ARPP21: variants seen among roughly 807,000 people sequenced by gnomAD.
ARPP21 encodes the protein cAMP-regulated phosphoprotein 21.
ARPP21 carries 69 observed loss-of-function variants against 113.2 expected under a neutral mutation model. The ratio of observed to expected loss-of-function variants is 0.61; its 90% CI spans 0.50 to 0.74. The LOEUF is 0.74. Among genes scored for constraint, ARPP21 ranks in the 30% least tolerant of loss-of-function variants. The probability of loss-of-function intolerance (pLI) is 0.00; values close to 1 mark genes in which losing one functional copy is unlikely to be tolerated. For synonymous variants in ARPP21, 368 were observed against 375.5 expected (o/e 0.98, Z 0.23); for missense variants, 1,070 against 1,037.4 (o/e 1.03, Z -0.43).
At chr3:35,781,301 G>A (rs554298565) in intron 19 of ARPP21, among the ~76,000 whole-genome samples, 25 of 152,278 alleles carry the variant, frequency 1.6e-4, no homozygotes, top group African/African-American at 4.3e-4. Context: ...AAAAGTTAAC[G>A]AGTGAATGAT....
intron 19 of ARPP21, among the ~76,000 whole-genome samples, chr3:35,757,601 A>G (rs2151214368): frequency 6.6e-6 from 1 of 152,194 alleles, no homozygotes; most frequent in East Asian, 1.9e-4. Flanking sequence ...TATGTTTGTT[A>G]TGTTTTCTTT....
chr3:35,714,435 CT>C (rs2092018387), intron 11 of ARPP21, among the ~76,000 whole-genome samples: 1 of 152,102 alleles, frequency 6.6e-6, no homozygotes, highest in South Asian at 2.1e-4. Context: ...ATTATTACTT[CT>C]TTAGTTTTAT....
intron 19 of ARPP21, among the ~76,000 whole-genome samples, chr3:35,785,891 C>T (rs1055989202): frequency 7.2e-5 from 11 of 152,048 alleles, no homozygotes; most frequent in Non-Finnish European, 1.2e-4. Context: ...TGCAGGTCAT[C>T]CTGTACCAAG....
intron 1 of ARPP21, among the ~76,000 whole-genome samples, chr3:35,644,308 T>A (rs1447008834): frequency 6.6e-6 from 1 of 151,902 alleles, no homozygotes; most frequent in Non-Finnish European, 1.5e-5. Flanking sequence ...CTTGGATTAA[T>A]TTTGGCCCTA....
chr3:35,665,602 A>T (rs2074154730), intron 1 of ARPP21, among the ~76,000 whole-genome samples: 1 of 152,230 alleles, frequency 6.6e-6, no homozygotes, highest in Non-Finnish European at 1.5e-5. Flanking sequence ...GTAAGAGGTT[A>T]TATCAAACAT....
chr3:35,746,626 T>G (rs763851963), intron 19 of ARPP21, among the ~76,000 whole-genome samples: 2 of 152,216 alleles, frequency 1.3e-5, no homozygotes, highest in African/African-American at 2.4e-5. Context: ...CATCTTCATC[T>G]GATAATGACA....
intron 1 of ARPP21, among the ~76,000 whole-genome samples, chr3:35,660,501 A>G (rs1707226450): frequency 6.6e-6 from 1 of 152,200 alleles, no homozygotes; most frequent in African/African-American, 2.4e-5. Flanking sequence ...GCTATTGGCT[A>G]TAGTCTTTGC....
chr3:35,748,456 G>T lies in ARPP21; in HGVS notation c.2137+4491G>T, dbSNP rs1327330851. On this transcript the variant is annotated intron_variant, in intron 19 of 20. Coordinates refer to ENST00000684406, the MANE Select transcript of ARPP21 (RefSeq NM_001385562.1). The stretch of plus-strand genomic sequence containing the variant: ...AAGAGAAAGAAAGAAAGAAAAGAAA[G>T]AAAAAGAAAGAGAGAGAGGGAGAGA... 2.2e-5 allele frequency among the ~76,000 whole-genome samples: 3 copies of T among 137,572 alleles called. No homozygotes were observed. The East Asian group carries it at 6.8e-4, about 31-fold the overall frequency. The allele number at this position is 137,572 out of a possible 152,430, so 90.3% of individuals were successfully genotyped here.
At chr3:35,681,569 G>C in intron 2 of ARPP21, 145 bp from the exon 3 acceptor site, 1 of 558,128 alleles carries the variant, frequency 1.8e-6, no homozygotes, top group East Asian at 2.8e-5. Context: ...TTGGGTACTT[G>C]ATTTCATCTT....
chr3:35,741,387 T>C (rs2094647700), intron 18 of ARPP21, among the ~76,000 whole-genome samples: 1 of 152,214 alleles, frequency 6.6e-6, no homozygotes, highest in Admixed American at 6.5e-5. Flanking sequence ...ATAGTAACTT[T>C]CAATTTAGTA....
intron 1 of ARPP21, among the ~76,000 whole-genome samples, chr3:35,652,928 T>A (rs1703045758): frequency 6.6e-6 from 1 of 152,060 alleles, no homozygotes; most frequent in South Asian, 2.1e-4. Flanking sequence ...CAGGCAAAAA[T>A]TCTTATCTGT....
chr3:35,791,424 A>C (rs2096745212), intron 19 of ARPP21, among the ~76,000 whole-genome samples: 1 of 152,180 alleles, frequency 6.6e-6, no homozygotes, highest in Admixed American at 6.5e-5. Context: ...CTCTGGAAGG[A>C]GCTTATTATA....
chr3:35,720,511 A>G (rs2092949856), intron 13 of ARPP21, among the ~76,000 whole-genome samples: 1 of 152,212 alleles, frequency 6.6e-6, no homozygotes, highest in Admixed American at 6.5e-5. Context: ...GTGAGATTTG[A>G]ATCAAGGCTT....
At chr3:35,664,084 T>G (rs1709051890) in intron 1 of ARPP21, among the ~76,000 whole-genome samples, 1 of 152,212 alleles carries the variant, frequency 6.6e-6, no homozygotes. Context: ...CAAAAAAGCT[T>G]GCAGACAATA....
chr3:35,672,398 C>A (rs1338387144), intron 1 of ARPP21, among the ~76,000 whole-genome samples: 1 of 152,052 alleles, frequency 6.6e-6, no homozygotes, highest in Admixed American at 6.6e-5. Context: ...CTTTCAGGTA[C>A]CTTCTAGTGG....
chr3:35,772,000 ATTTTT>A (rs1559917280), intron 19 of ARPP21, among the ~76,000 whole-genome samples: 1 of 152,058 alleles, frequency 6.6e-6, no homozygotes, highest in African/African-American at 2.4e-5. Context: ...GGCAAGATTT[ATTTTT>A]TTTAACAACT....
rs189154343 is a variant in ARPP21 at position 35,774,261 on chromosome 3, C to T, written c.2138-18121C>T. 1.1e-3 allele frequency among the ~76,000 whole-genome samples: 160 copies of T among 152,116 alleles called. 3 individuals are homozygous for T. The South Asian group carries it at 0.011, about 10-fold the overall frequency. Reference sequence around the variant, plus strand: ...GCAAGGCCCTTATAAGAAAATTTCCCATATGATAAAAAATGTTTTTAAAAT... The same window carrying T: ...GCAAGGCCCTTATAAGAAAATTTCCTATATGATAAAAAATGTTTTTAAAAT... On this transcript the variant is annotated intron_variant, in intron 19 of 20. Transcript: ENST00000684406.
chr3:35,693,237 G>A (rs2149687118), intron 9 of ARPP21, among the ~76,000 whole-genome samples: 1 of 151,712 alleles, frequency 6.6e-6, no homozygotes, highest in East Asian at 1.9e-4. Context: ...GTGAGTCAAA[G>A]CAAATCATGC....
chr3:35,790,145 G>T (rs1450380324), intron 19 of ARPP21, among the ~76,000 whole-genome samples: 1 of 152,058 alleles, frequency 6.6e-6, no homozygotes, highest in Non-Finnish European at 1.5e-5. Flanking sequence ...GCCTTTCAGT[G>T]TATAAACAAA....
Sources: gnomAD v4.1 joint callset for allele counts (sites outside exome capture counted in the v4.1 genomes callset) on GRCh38, gnomAD v4.1.1 for gene constraint, MANE v1.5 for transcripts, NCBI Gene and HGNC (gene_info 2026-07-23, HGNC 2026-07-21) for gene names.